Variants in SCFD2 observed in about 807,000 individuals in gnomAD.
The protein encoded by SCFD2 is sec1 family domain-containing protein 2.
Under a neutral mutation model 58.9 loss-of-function variants are expected in SCFD2, and 54 were observed. The ratio of observed to expected loss-of-function variants is 0.92; its 90% CI spans 0.74 to 1.15. The LOEUF (loss-of-function observed/expected upper bound fraction) is 1.15. Ranked by LOEUF, SCFD2 falls within the 50% of genes most tolerant of loss-of-function variation. The probability of loss-of-function intolerance (pLI) is 0.00; values close to 1 mark genes in which losing one functional copy is unlikely to be tolerated. For missense variants in SCFD2, 805 were observed against 836.6 expected, an observed-to-expected ratio of 0.96 and a Z score of 0.47; for synonymous variants, 321 against 335.9, an observed-to-expected ratio of 0.96 and a Z score of 0.49.
chr4:52,873,609 A>G lies in SCFD2; in HGVS notation c.*360T>C, dbSNP rs1463730532. ...TTCTCGAGCAACTTCAAATAAAAAGAGTTGTAATCTACCAACACTTGCCAA... is the reference window on the plus strand; with the variant it reads ...TTCTCGAGCAACTTCAAATAAAAAGGGTTGTAATCTACCAACACTTGCCAA... On this transcript the variant is annotated 3_prime_UTR_variant, in exon 9 of 9. Transcript: ENST00000401642. 1 of 168,602 alleles carries G rather than the reference A, an allele frequency of 5.9e-6. No individual in the cohort carries two copies. The highest frequency in any genetic ancestry group is 2.4e-5 in the African/African-American group (1 of 41,774). The allele number at this position is 168,602 out of a possible 1,614,324, so 10.4% of individuals were successfully genotyped here.
chr4:52,956,450 G>C (rs533791161), intron 5 of SCFD2: 27 of 360,082 alleles, frequency 7.5e-5, no homozygotes, highest in African/African-American at 5.5e-4. Flanking sequence ...AGGGCAGGTG[G>C]CCACCAGGGT....
intron 5 of SCFD2, among the ~76,000 whole-genome samples, chr4:53,123,532 TGG>T (rs11293174): frequency 3.4e-4 from 32 of 95,448 alleles, no homozygotes; most frequent in East Asian, 2.3e-3. Context: ...GAGATGGGGG[TGG>T]GGGGGGGGCA....
chr4:53,004,726 G>C (rs1429594863), intron 5 of SCFD2, among the ~76,000 whole-genome samples: 1 of 152,106 alleles, frequency 6.6e-6, no homozygotes, highest in African/African-American at 2.4e-5. Context: ...AGGCATTCTA[G>C]AAACTTCCTG....
At chr4:52,938,590 A>G (rs1334090688) in intron 5 of SCFD2, among the ~76,000 whole-genome samples, 1 of 152,192 alleles carries the variant, frequency 6.6e-6, no homozygotes, top group East Asian at 1.9e-4. Flanking sequence ...AGAGGTCTGT[A>G]CTGCTTGTTG....
chr4:53,351,218 A>G (rs1734210244), intron 2 of SCFD2, among the ~76,000 whole-genome samples: 1 of 152,252 alleles, frequency 6.6e-6, no homozygotes, highest in South Asian at 2.1e-4. Context: ...AACAGAGCAG[A>G]TGACAGAAGT....
intron 4 of SCFD2, among the ~76,000 whole-genome samples, chr4:53,162,659 T>A (rs1356056472): frequency 6.7e-6 from 1 of 148,924 alleles, no homozygotes. Flanking sequence ...TATCTCATTG[T>A]GGACACAGGA....
intron 3 of SCFD2, among the ~76,000 whole-genome samples, chr4:53,286,164 C>G (rs1444768254): frequency 1.2e-4 from 18 of 152,160 alleles, no homozygotes; most frequent in Admixed American, 1.2e-3. Context: ...AAGGGGCACT[C>G]CATCTCCTGG....
At chr4:53,146,050 T>C (rs576358597) in intron 4 of SCFD2, among the ~76,000 whole-genome samples, 1 of 152,324 alleles carries the variant, frequency 6.6e-6, no homozygotes, top group African/African-American at 2.4e-5. Flanking sequence ...TCAGCAAATA[T>C]TAGCCAGAAT....
At chr4:52,906,364 T>TTGGAAACCGTGTCTAGTC (rs1294939304) in intron 7 of SCFD2, among the ~76,000 whole-genome samples, 7 of 152,282 alleles carry the variant, frequency 4.6e-5, no homozygotes, top group Non-Finnish European at 8.8e-5. Flanking sequence ...GTGGAAAAGG[T>TTGGAAACCGTGTCTAGTC]TGGAAACCGT....
chr4:53,360,199 A>G (rs1219690467), intron 1 of SCFD2, among the ~76,000 whole-genome samples: 1 of 152,244 alleles, frequency 6.6e-6, no homozygotes, highest in African/African-American at 2.4e-5. Flanking sequence ...ATGTAACACT[A>G]TGTGGAAACA....
chr4:53,210,876 G>A (rs1319574563), intron 4 of SCFD2, among the ~76,000 whole-genome samples: 1 of 151,890 alleles, frequency 6.6e-6, no homozygotes, highest in Non-Finnish European at 1.5e-5. Context: ...TCTGTTGTGG[G>A]TCTTAAGACC....
At chr4:52,904,856 C>T (rs777890145) in intron 7 of SCFD2, among the ~76,000 whole-genome samples, 33 of 152,180 alleles carry the variant, frequency 2.2e-4, no homozygotes, top group Admixed American at 1.1e-3. Flanking sequence ...CTTAGGAAAA[C>T]GCCTGAGAAC....
At chr4:53,280,113 T>C (rs1411792924) in intron 3 of SCFD2, among the ~76,000 whole-genome samples, 2 of 152,250 alleles carry the variant, frequency 1.3e-5, no homozygotes, top group South Asian at 2.1e-4. Flanking sequence ...TATTTACACA[T>C]GTATAATTCT....
chr4:53,060,592 G>A (rs1215003415), intron 5 of SCFD2, among the ~76,000 whole-genome samples: 1 of 151,928 alleles, frequency 6.6e-6, no homozygotes, highest in African/African-American at 2.4e-5. Flanking sequence ...GCTACCTTTG[G>A]TGTGATATCT....
At chr4:53,330,041 G>C (rs1029857432) in intron 2 of SCFD2, among the ~76,000 whole-genome samples, 1 of 151,472 alleles carries the variant, frequency 6.6e-6, no homozygotes, top group Non-Finnish European at 1.5e-5. Context: ...GGGAAGTTTA[G>C]AGAAAAAAGA....
At chr4:53,176,720 C>T (rs1316728459) in intron 4 of SCFD2, among the ~76,000 whole-genome samples, 6 of 152,112 alleles carry the variant, frequency 3.9e-5, no homozygotes, top group African/African-American at 7.2e-5. Flanking sequence ...GAGTCCAAGG[C>T]GGGTGAATCA....
At chr4:53,018,870 G>T (rs1301524927) in intron 5 of SCFD2, among the ~76,000 whole-genome samples, 2 of 152,204 alleles carry the variant, frequency 1.3e-5, no homozygotes, top group Non-Finnish European at 2.9e-5. Context: ...AATAAGGTTT[G>T]TTGTGATAGC....
At chr4:52,882,744 G>A (rs912639946) in intron 8 of SCFD2, among the ~76,000 whole-genome samples, 2 of 152,070 alleles carry the variant, frequency 1.3e-5, no homozygotes, top group African/African-American at 2.4e-5. Context: ...GCTTGCAGAC[G>A]GCCTATTGTG....
At chr4:53,281,091 G>T (rs1431730896) in intron 3 of SCFD2, among the ~76,000 whole-genome samples, 1 of 152,166 alleles carries the variant, frequency 6.6e-6, no homozygotes, top group African/African-American at 2.4e-5. Flanking sequence ...GATTCGACCT[G>T]ATCTCCATTG....
Sources: gnomAD v4.1 joint callset for allele counts (sites outside exome capture counted in the v4.1 genomes callset) on GRCh38, gnomAD v4.1.1 for gene constraint, MANE v1.5 for transcripts, NCBI Gene and HGNC (gene_info 2026-07-23, HGNC 2026-07-21) for gene names.